Variants in MLIP observed in about 807,000 individuals in gnomAD.
The protein encoded by MLIP is muscular LMNA interacting protein, also known as muscular LMNA-interacting protein.
MLIP carries 79 observed loss-of-function variants against 84.8 expected under a neutral mutation model. The observed-to-expected ratio is 0.93, with a 90% confidence interval of 0.78 to 1.12. MLIP has a LOEUF of 1.12. Among genes scored for constraint, MLIP ranks in the 50% most tolerant of loss-of-function variants. The pLI, the probability that MLIP is intolerant of heterozygous loss-of-function variation, is 0.00. For synonymous variants in MLIP, 504 were observed against 463.0 expected (o/e 1.09, Z -1.14); for missense variants, 1,257 against 1,160.6 (o/e 1.08, Z -1.21).
intron 9 of MLIP, among the ~76,000 whole-genome samples, chr6:54,181,807 G>A (rs752713560): frequency 4.3e-4 from 65 of 152,294 alleles, no homozygotes; most frequent in Non-Finnish European, 7.9e-4. Flanking sequence ...GAAACATCAT[G>A]AGCCAGGGCC....
At chr6:54,146,478 T>C (rs956903463) in intron 4 of MLIP, among the ~76,000 whole-genome samples, 1 of 152,186 alleles carries the variant, frequency 6.6e-6, no homozygotes, top group African/African-American at 2.4e-5. Flanking sequence ...AGAAGAGAGC[T>C]CTTGGCATGA....
intron 1 of MLIP, among the ~76,000 whole-genome samples, chr6:54,112,652 T>C (rs564553733): frequency 7.1e-6 from 1 of 140,630 alleles, no homozygotes; most frequent in African/African-American, 2.8e-5. Context: ...CATCATGTAC[T>C]GGTTCAACTA....
At chr6:54,036,777 C>G (rs919491415) in intron 1 of MLIP, among the ~76,000 whole-genome samples, 15 of 151,944 alleles carry the variant, frequency 9.9e-5, no homozygotes, top group Non-Finnish European at 1.6e-4. Flanking sequence ...CAAAGAGATA[C>G]CTGCATTCCA....
At chr6:54,180,021 A>T (rs924567266) in intron 9 of MLIP, among the ~76,000 whole-genome samples, 4 of 152,056 alleles carry the variant, frequency 2.6e-5, no homozygotes, top group African/African-American at 9.7e-5. Context: ...GTTTTCTGGG[A>T]AGGTCTTTAT....
chr6:54,155,631 A>C (rs1349089609), intron 5 of MLIP, among the ~76,000 whole-genome samples: 1 of 152,114 alleles, frequency 6.6e-6, no homozygotes, highest in Admixed American at 6.6e-5. Flanking sequence ...TTGACTAAAA[A>C]GTGTTTGCAG....
chr6:54,156,643 C>T (rs1311527239), intron 5 of MLIP, among the ~76,000 whole-genome samples: 1 of 152,020 alleles, frequency 6.6e-6, no homozygotes, highest in East Asian at 1.9e-4. Context: ...AATCACTTCT[C>T]TAGAGCATTT....
chr6:54,189,615 A>T (rs1777722088), intron 9 of MLIP, among the ~76,000 whole-genome samples: 1 of 152,202 alleles, frequency 6.6e-6, no homozygotes, highest in Non-Finnish European at 1.5e-5. Context: ...AATGAGAAAG[A>T]AAAGCAGCAT....
At chr6:54,053,143 T>C (rs1438705291) in intron 1 of MLIP, among the ~76,000 whole-genome samples, 1 of 152,106 alleles carries the variant, frequency 6.6e-6, no homozygotes, top group African/African-American at 2.4e-5. Flanking sequence ...AACTAGAAAA[T>C]GGCAATAGCA....
intron 11 of MLIP, among the ~76,000 whole-genome samples, chr6:54,213,728 A>AAAC (rs1779644651): frequency 4.9e-5 from 2 of 40,806 alleles, no homozygotes; most frequent in Non-Finnish European, 8.4e-5. Context: ...AAAAAAAAAA[A>AAAC]AAAAAAAACA....
chr6:54,096,185 A>C (rs1009967242), intron 1 of MLIP, among the ~76,000 whole-genome samples: 1 of 152,164 alleles, frequency 6.6e-6, no homozygotes, highest in Non-Finnish European at 1.5e-5. Context: ...GGAACTTTTT[A>C]AGACCTTTTT....
intron 1 of MLIP, among the ~76,000 whole-genome samples, chr6:54,032,728 A>G (rs998267970): frequency 4.6e-5 from 7 of 152,030 alleles, no homozygotes; most frequent in African/African-American, 1.7e-4. Flanking sequence ...CAATTTTTGT[A>G]TTTTTAGTAG....
At chr6:54,166,602 G>C (rs1007395044) in intron 8 of MLIP, among the ~76,000 whole-genome samples, 11 of 151,738 alleles carry the variant, frequency 7.2e-5, no homozygotes, top group African/African-American at 2.7e-4. Context: ...TCATTTCTTA[G>C]TCTCCTTTGC....
chr6:54,167,118 C>T (rs182183181), intron 8 of MLIP, among the ~76,000 whole-genome samples: 3 of 152,010 alleles, frequency 2.0e-5, no homozygotes, highest in Admixed American at 2.0e-4. Context: ...GAGTTTTGTC[C>T]CTATACCCCT....
intron 1 of MLIP, among the ~76,000 whole-genome samples, chr6:54,041,258 T>C (rs2150301781): frequency 6.6e-6 from 1 of 152,248 alleles, no homozygotes; most frequent in Admixed American, 6.6e-5. Context: ...ACTAATACTT[T>C]GTTTCTGTAT....
intron 1 of MLIP, among the ~76,000 whole-genome samples, chr6:54,024,939 G>C (rs1763711500): frequency 6.6e-6 from 1 of 151,708 alleles, no homozygotes; most frequent in South Asian, 2.1e-4. Flanking sequence ...CCGGGTTCAA[G>C]CAATTATCCT....
chr6:54,021,786 A>C (rs531290883), intron 1 of MLIP, among the ~76,000 whole-genome samples: 1 of 152,212 alleles, frequency 6.6e-6, no homozygotes, highest in Non-Finnish European at 1.5e-5. Flanking sequence ...ATTCTTCAAA[A>C]TTTCTTAAAT....
chr6:54,251,791 A>G (rs1427112990), intron 12 of MLIP, among the ~76,000 whole-genome samples: 3 of 99,436 alleles, frequency 3.0e-5, no homozygotes, highest in Non-Finnish European at 5.2e-5. Flanking sequence ...CATATAATAT[A>G]TAATATAAAT....
intron 1 of MLIP, among the ~76,000 whole-genome samples, chr6:54,062,318 T>C (rs902966701): frequency 6.6e-6 from 1 of 152,210 alleles, no homozygotes; most frequent in Non-Finnish European, 1.5e-5. Context: ...CAATTTTCAC[T>C]TTTCCCTGTT....
At chr6:54,028,926 C>T (rs370544511) in intron 1 of MLIP, 3 of 152,334 alleles carry the variant, frequency 2.0e-5, no homozygotes, top group African/African-American at 7.2e-5. Context: ...CTACCTCTAT[C>T]TCCTTTTCAT....
Sources: gnomAD v4.1 joint callset for allele counts (sites outside exome capture counted in the v4.1 genomes callset) on GRCh38, gnomAD v4.1.1 for gene constraint, MANE v1.5 for transcripts, NCBI Gene and HGNC (gene_info 2026-07-23, HGNC 2026-07-21) for gene names.